DAB1: variants seen among roughly 807,000 people sequenced by gnomAD.
The protein encoded by DAB1 is DAB adaptor protein 1.
A neutral mutation model predicts 64.6 loss-of-function variants in DAB1; 15 were observed. That is an observed-to-expected ratio of 0.23 (90% CI 0.16 to 0.36). The LOEUF (loss-of-function observed/expected upper bound fraction) is 0.36. DAB1 is among the 10% of genes least tolerant of loss of function. The probability of loss-of-function intolerance (pLI) is 1.00; values close to 1 mark genes in which losing one functional copy is unlikely to be tolerated. For missense variants in DAB1, 596 were observed against 706.7 expected (o/e 0.84, Z 1.78); for synonymous variants, 235 against 251.9 (o/e 0.93, Z 0.64).
chr1:57,479,850 G>A (rs1643989953), intron 7 of DAB1, among the ~76,000 whole-genome samples: 9 of 152,138 alleles, frequency 5.9e-5, no homozygotes, highest in Admixed American at 5.9e-4. Context: ...GACATGCATT[G>A]CAAGAGAAAG....
At chr1:57,171,930 G>C (rs748442223) in intron 2 of DAB1, among the ~76,000 whole-genome samples, 3 of 152,184 alleles carry the variant, frequency 2.0e-5, no homozygotes, top group Admixed American at 6.5e-5. Flanking sequence ...GAAATGTATT[G>C]TCTCATGGTT....
intron 1 of DAB1, among the ~76,000 whole-genome samples, chr1:57,324,406 T>C (rs768507841): frequency 3.6e-4 from 55 of 152,222 alleles, no homozygotes; most frequent in Non-Finnish European, 6.6e-4. Flanking sequence ...AGTAAAGGTA[T>C]CATTTTATCT....
intron 5 of DAB1, among the ~76,000 whole-genome samples, chr1:58,139,314 T>C (rs1263524466): frequency 6.6e-6 from 1 of 152,194 alleles, no homozygotes; most frequent in Non-Finnish European, 1.5e-5. Flanking sequence ...CTCATGCTAC[T>C]ATGAAGAAAT....
At chr1:57,986,854 T>C (rs1398420042) in intron 5 of DAB1, among the ~76,000 whole-genome samples, 1 of 152,232 alleles carries the variant, frequency 6.6e-6, no homozygotes, top group Non-Finnish European at 1.5e-5. Context: ...TAACTGTTTA[T>C]TACAGGCTGG....
At chr1:57,503,290 T>C (rs953715882) in intron 7 of DAB1, among the ~76,000 whole-genome samples, 3 of 152,230 alleles carry the variant, frequency 2.0e-5, no homozygotes, top group African/African-American at 7.2e-5. Flanking sequence ...GCTCAGACTA[T>C]ACATTTAAGA....
intron 7 of DAB1, among the ~76,000 whole-genome samples, chr1:57,429,582 C>T (rs939976253): frequency 1.3e-5 from 2 of 152,138 alleles, no homozygotes; most frequent in Non-Finnish European, 2.9e-5. Flanking sequence ...TGCCAAGGAG[C>T]TTTTCCTCTG....
intron 3 of DAB1, among the ~76,000 whole-genome samples, chr1:58,498,504 C>G (rs1000889006): frequency 1.3e-5 from 2 of 152,122 alleles, no homozygotes; most frequent in Non-Finnish European, 2.9e-5. Context: ...AATCCAAAGA[C>G]TCACTATGCA....
chr1:58,490,795 C>CTTT (rs148145860), intron 3 of DAB1, among the ~76,000 whole-genome samples: 770 of 59,280 alleles, frequency 0.013, 113 homozygotes, highest in African/African-American at 0.015. Context: ...AGTCAACATT[C>CTTT]TTTTTTTTTT....
At chr1:57,410,196 A>G (rs833615) in intron 1 of DAB1, among the ~76,000 whole-genome samples, 1 of 151,584 alleles carries the variant, frequency 6.6e-6, no homozygotes, top group Non-Finnish European at 1.5e-5. Flanking sequence ...AATGTAGAAA[A>G]CTCTTCTTTT....
At chr1:57,496,588 A>G (rs1307482588) in intron 7 of DAB1, among the ~76,000 whole-genome samples, 3 of 152,206 alleles carry the variant, frequency 2.0e-5, no homozygotes, top group Non-Finnish European at 4.4e-5. Flanking sequence ...TTCAAACATT[A>G]AAATAGACTC....
At chr1:57,022,213 C>A (rs924580799) in intron 11 of DAB1, among the ~76,000 whole-genome samples, 1 of 152,102 alleles carries the variant, frequency 6.6e-6, no homozygotes, top group African/African-American at 2.4e-5. Flanking sequence ...TCCCAGCATA[C>A]CCTTTACAGA....
At chr1:57,843,659 T>C (rs1425184886) in intron 1 of DAB1, among the ~76,000 whole-genome samples, 5 of 152,098 alleles carry the variant, frequency 3.3e-5, no homozygotes, top group Non-Finnish European at 7.4e-5. Flanking sequence ...GTTGAAATTT[T>C]CCCAAAAAAC....
chr1:57,754,761 G>A (rs1231131185), intron 6 of DAB1, among the ~76,000 whole-genome samples: 1 of 152,162 alleles, frequency 6.6e-6, no homozygotes, highest in Non-Finnish European at 1.5e-5. Context: ...GTCTGCCACT[G>A]GTCCAAGGTC....
At chr1:57,227,914 A>AATAACTTAT (rs1667394312) in intron 2 of DAB1, among the ~76,000 whole-genome samples, 2 of 152,128 alleles carry the variant, frequency 1.3e-5, no homozygotes, top group South Asian at 4.1e-4. Flanking sequence ...AACTTAGGGG[A>AATAACTTAT]ATAACTTATG....
At chr1:57,724,266 AAAAGG>A (rs1309613667) in intron 6 of DAB1, among the ~76,000 whole-genome samples, 1 of 127,472 alleles carries the variant, frequency 7.8e-6, no homozygotes, top group African/African-American at 3.4e-5. Flanking sequence ...GAGGGAGGGA[AAAAGG>A]AAGGAAGGAA....
intron 5 of DAB1, among the ~76,000 whole-genome samples, chr1:57,919,877 G>A (rs1644783807): frequency 6.6e-6 from 1 of 152,134 alleles, no homozygotes; most frequent in African/African-American, 2.4e-5. Context: ...GCACGTGTGT[G>A]TACTTGGATT....
intron 5 of DAB1, among the ~76,000 whole-genome samples, chr1:57,936,794 C>T (rs1300642735): frequency 6.6e-6 from 1 of 152,120 alleles, no homozygotes; most frequent in Admixed American, 6.5e-5. Flanking sequence ...TTTCCAATCA[C>T]TCTTATAATT....
At chr1:58,174,482 T>C (rs1284030920) in intron 4 of DAB1, among the ~76,000 whole-genome samples, 4 of 152,164 alleles carry the variant, frequency 2.6e-5, no homozygotes, top group East Asian at 1.9e-4. Flanking sequence ...CCTAAAGAGT[T>C]CCCCTCTGGA....
intron 5 of DAB1, among the ~76,000 whole-genome samples, chr1:57,942,173 T>C (rs1350211303): frequency 1.3e-5 from 2 of 152,174 alleles, no homozygotes; most frequent in African/African-American, 4.8e-5. Context: ...CACACCCTTA[T>C]ATCATTGCTC....
Sources: allele counts gnomAD v4.1 joint callset (sites outside exome capture counted in the v4.1 genomes callset), GRCh38; gene constraint gnomAD v4.1.1; transcripts MANE v1.5; gene names NCBI Gene and HGNC (gene_info 2026-07-23, HGNC 2026-07-21).